Variants in BCO1 observed in about 807,000 individuals in gnomAD.
BCO1 encodes beta,beta-carotene 15,15'-dioxygenase.
In BCO1, 54 loss-of-function variants were observed where a neutral mutation model predicts 56.3. The ratio of observed to expected loss-of-function variants is 0.96; its 90% CI spans 0.77 to 1.20. The LOEUF is 1.20. BCO1 is among the 50% of genes most tolerant of loss of function. BCO1 has a pLI of 0.00. For synonymous variants in BCO1, 318 were observed against 266.1 expected (o/e 1.20, Z -1.90); for missense variants, 801 against 690.9 (o/e 1.16, Z -1.79).
Position 81,277,065 on chromosome 16 carries a change from CAA to C in BCO1, c.1102-3774_1102-3773del, listed in dbSNP as rs34671497. Among the ~76,000 whole-genome samples the C allele has an allele frequency of 2.5e-3, 238 of 95,336 alleles. 3 individuals carry two copies. Among genetic ancestry groups the C allele is most frequent in the African/African-American group, 9.2e-3 (218 of 23,764 alleles). 62.5% of individuals were successfully genotyped at this position (95,336 alleles called of 152,430 possible). On this transcript the variant is annotated intron_variant, in intron 7 of 10. Transcript: ENST00000258168. ...TGGATGACAGAGTGAGACTCGGTCT[CAA>C]AAAAAAAAAAAAAAAAAGTAAAATA...
intron 2 of BCO1, among the ~76,000 whole-genome samples, chr16:81,259,091 A>G (rs189958863): frequency 2.0e-5 from 3 of 152,342 alleles, no homozygotes; most frequent in East Asian, 1.9e-4. Context: ...CCCACCTGCA[A>G]CATCACAGGC....
At chr16:81,271,986 A>G (rs910569508) in intron 7 of BCO1, among the ~76,000 whole-genome samples, 8 of 152,044 alleles carry the variant, frequency 5.3e-5, no homozygotes, top group East Asian at 1.9e-4. Context: ...AACTCAGGCA[A>G]TCTGCCCCCC....
chr16:81,261,014 C>G (rs1400239637), intron 3 of BCO1, among the ~76,000 whole-genome samples: 3 of 152,198 alleles, frequency 2.0e-5, no homozygotes, highest in Non-Finnish European at 4.4e-5. Flanking sequence ...CTGAAGTCAT[C>G]TCTCCCATTC....
intron 9 of BCO1, 74 bp from the exon 10 acceptor site, chr16:81,287,221 A>T: frequency 1.8e-6 from 2 of 1,108,222 alleles, no homozygotes; most frequent in Non-Finnish European, 2.8e-6. Flanking sequence ...GTGGATCTTC[A>T]TGCACTCCTA....
At chr16:81,271,943 C>T (rs956872573) in intron 7 of BCO1, among the ~76,000 whole-genome samples, 4 of 151,878 alleles carry the variant, frequency 2.6e-5, no homozygotes, top group African/African-American at 9.7e-5. Flanking sequence ...GGTGAAGTTT[C>T]GCCATGTTGC....
At chr16:81,283,688 A>G (rs1036397694) in intron 8 of BCO1, among the ~76,000 whole-genome samples, 19 of 151,882 alleles carry the variant, frequency 1.3e-4, no homozygotes, top group African/African-American at 3.6e-4. Context: ...TCTGCTTCCC[A>G]TCTCAATACT....
chr16:81,254,349 C>G (rs1403078700), intron 2 of BCO1, among the ~76,000 whole-genome samples: 2 of 132,228 alleles, frequency 1.5e-5, no homozygotes, highest in Non-Finnish European at 3.1e-5. Flanking sequence ...CAGGGTTTCA[C>G]CATGTTGACC....
chr16:81,270,387 A>T lies in BCO1; in HGVS notation c.1072A>T (p.Arg358Trp). 6.2e-7 allele frequency: 1 copy of T among 1,614,058 alleles called. No individual in the cohort carries two copies. Among genetic ancestry groups the T allele is most frequent in the Non-Finnish European group, 8.5e-7 (1 of 1,179,986 alleles). Reference sequence around the variant, plus strand: ...GCTCACCTCGGTCCCCACCCTCAGGAGGTTTGCCGTGCCCCTCCACGTGGA... The same window carrying T: ...GCTCACCTCGGTCCCCACCCTCAGGTGGTTTGCCGTGCCCCTCCACGTGGA... ...SRLTSVPTLRRFAVPLHVDKN... is the reference protein window; with the variant it reads ...SRLTSVPTLRWFAVPLHVDKN... The change falls in exon 7 of 11, where the codon AGG (arginine) becomes TGG (tryptophan). Residue 358 changes from arginine to tryptophan, a missense_variant. By Grantham distance (101) the Arg-to-Trp change is moderately radical. Coordinates refer to ENST00000258168, the MANE Select transcript of BCO1 (RefSeq NM_017429.3).
At chr16:81,246,869 G>A (rs66886472) in intron 2 of BCO1, among the ~76,000 whole-genome samples, 46,228 of 127,158 alleles carry the variant, frequency 0.36, 9,073 homozygotes, top group Middle Eastern at 0.49. Flanking sequence ...AAAAAAAAAA[G>A]AAGAGTACAG....
At chr16:81,250,230 C>G (rs1387688952) in intron 2 of BCO1, among the ~76,000 whole-genome samples, 1 of 152,126 alleles carries the variant, frequency 6.6e-6, no homozygotes, top group Non-Finnish European at 1.5e-5. Flanking sequence ...AAAGCTCAGA[C>G]ATAGACGCAA....
intron 10 of BCO1, among the ~76,000 whole-genome samples, chr16:81,289,852 T>G (rs1908366647): frequency 1.3e-5 from 2 of 152,014 alleles, no homozygotes; most frequent in South Asian, 4.2e-4. Flanking sequence ...GTTTTCTGGT[T>G]TGTTCATTCG....
chr16:81,288,353 C>G (rs188052126), intron 10 of BCO1, among the ~76,000 whole-genome samples: 38 of 152,290 alleles, frequency 2.5e-4, no homozygotes, highest in African/African-American at 8.9e-4. Context: ...GCCTCAAACT[C>G]CTGGGCTCAA....
In BCO1 at chr16:81,280,897, C is replaced by T; in HGVS notation, c.1142C>T (p.Thr381Ile). The change falls in exon 8 of 11, where the codon ACA (threonine) becomes ATA (isoleucine). Residue 381 changes from threonine to isoleucine, a missense_variant. Coordinates refer to ENST00000258168, the MANE Select transcript of BCO1 (RefSeq NM_017429.3). ...ACAAATTTAATCAAAGTGGCATCTA[C>T]AACAGCCACGGCCCTGAAGGAAGAA... Reference protein sequence around the residue: ...VGTNLIKVASTTATALKEEDG... With the variant: ...VGTNLIKVASITATALKEEDG... The T allele has an allele frequency of 1.2e-6, 2 of 1,614,078 alleles. No homozygotes were observed. Among genetic ancestry groups the T allele is most frequent in the Non-Finnish European group, 8.5e-7 (1 of 1,179,964 alleles).
At chr16:81,280,809 C>T in intron 7 of BCO1, 48 bp from the exon 8 acceptor site, 1 of 1,355,662 alleles carries the variant, frequency 7.4e-7, no homozygotes, top group South Asian at 1.2e-5. Flanking sequence ...AATGTTTGCT[C>T]TGGATTACAC....
intron 5 of BCO1, 62 bp downstream of exon 5, chr16:81,264,849 T>G (rs542676422): frequency 1.0e-5 from 16 of 1,588,924 alleles, no homozygotes; most frequent in Admixed American, 6.7e-5. Flanking sequence ...TTCTGAAGAG[T>G]TCTGTTTTTC....
At chr16:81,244,689 T>C (rs939017770) in intron 1 of BCO1, among the ~76,000 whole-genome samples, 38 of 152,010 alleles carry the variant, frequency 2.5e-4, no homozygotes, top group Non-Finnish European at 3.4e-4. Context: ...CAAAGAACCT[T>C]TTTCTACGTC....
intron 2 of BCO1, among the ~76,000 whole-genome samples, chr16:81,249,053 C>A (rs1402254723): frequency 6.6e-6 from 1 of 151,484 alleles, no homozygotes; most frequent in East Asian, 1.9e-4. Context: ...TGAGGCCTTG[C>A]TTCCCCAGGC....
In BCO1 at chr16:81,245,565, A is replaced by G; in HGVS notation, c.155A>G (p.Asp52Gly). The part of the protein sequence containing the change: ...VGESRYNHWF[D>G]GLALLHSFTI... Reference sequence around the variant, plus strand: ...GAGTCCAGATACAACCATTGGTTCGACGGCCTTGCCCTGCTCCACAGCTTC... The same window carrying G: ...GAGTCCAGATACAACCATTGGTTCGGCGGCCTTGCCCTGCTCCACAGCTTC... The change falls in exon 2 of 11, where the codon GAC (aspartate) becomes GGC (glycine). Residue 52 changes from aspartate to glycine, a missense_variant. Transcript: ENST00000258168. The G allele has an allele frequency of 1.2e-6, 2 of 1,614,222 alleles. No homozygotes were observed. Among genetic ancestry groups the G allele is most frequent in the Non-Finnish European group, 1.7e-6 (2 of 1,180,044 alleles).
At chr16:81,242,303 C>A (rs1472011117) in intron 1 of BCO1, among the ~76,000 whole-genome samples, 1 of 148,470 alleles carries the variant, frequency 6.7e-6, no homozygotes, top group Non-Finnish European at 1.5e-5. Context: ...TAGGTTCAAT[C>A]GATTCTCCTG....
Sources: allele counts gnomAD v4.1 joint callset (sites outside exome capture counted in the v4.1 genomes callset), GRCh38; gene constraint gnomAD v4.1.1; transcripts MANE v1.5; gene names NCBI Gene and HGNC (gene_info 2026-07-23, HGNC 2026-07-21).